Variants in SLC44A5 observed in about 807,000 individuals in gnomAD.
SLC44A5 encodes the protein solute carrier family 44 member 5.
A neutral mutation model predicts 101.8 loss-of-function variants in SLC44A5; 57 were observed. The ratio of observed to expected loss-of-function variants is 0.56; its 90% CI spans 0.45 to 0.70. The LOEUF is 0.70. Ranked by LOEUF, SLC44A5 falls within the 30% of genes least tolerant of loss-of-function variation. The pLI, the probability that SLC44A5 is intolerant of heterozygous loss-of-function variation, is 0.00. For synonymous variants in SLC44A5, 281 were observed against 290.9 expected, an observed-to-expected ratio of 0.97 and a Z score of 0.35; for missense variants, 737 against 853.1, an observed-to-expected ratio of 0.86 and a Z score of 1.70.
the SLC44A5 span, among the ~76,000 whole-genome samples, chr1:75,659,470 A>C: frequency 1.6e-5 from 1 of 61,828 alleles, no homozygotes; most frequent in Admixed American, 1.5e-4. Flanking sequence ...GGAAGGAAGG[A>C]AGGAAGGAAG....
At chr1:75,649,273 GGT>G in the SLC44A5 span, among the ~76,000 whole-genome samples, 1 of 152,070 alleles carries the variant, frequency 6.6e-6, no homozygotes, top group Non-Finnish European at 1.5e-5. Flanking sequence ...AACACAAATA[GGT>G]GTACTGGCTA....
upstream of SLC44A5, chr1:75,615,895 C>A: frequency 1.0e-6 from 1 of 987,562 alleles, no homozygotes; most frequent in Non-Finnish European, 1.2e-6. Flanking sequence ...ATCTTCTGTC[C>A]CCTTCCCTCC....
At chr1:75,527,356 A>C (rs1045427175) in intron 2 of SLC44A5, among the ~76,000 whole-genome samples, 1 of 151,910 alleles carries the variant, frequency 6.6e-6, no homozygotes, top group African/African-American at 2.4e-5. Context: ...ATAGGTTAGG[A>C]AGTTCTTTTG....
At chr1:75,596,895 A>G (rs918323208) in intron 1 of SLC44A5, among the ~76,000 whole-genome samples, 1 of 152,156 alleles carries the variant, frequency 6.6e-6, no homozygotes, top group African/African-American at 2.4e-5. Flanking sequence ...AGCACAGGAC[A>G]AGGATGCCCT....
At chr1:75,479,899 G>T (rs1488799712) in intron 2 of SLC44A5, among the ~76,000 whole-genome samples, 13 of 152,204 alleles carry the variant, frequency 8.5e-5, no homozygotes, top group African/African-American at 1.2e-4. Flanking sequence ...TAACTCATTT[G>T]AGGAGGCCAG....
intron 3 of SLC44A5, among the ~76,000 whole-genome samples, chr1:75,363,150 T>A (rs1164902307): frequency 6.6e-6 from 1 of 152,088 alleles, no homozygotes; most frequent in African/African-American, 2.4e-5. Flanking sequence ...TTTGCATGGA[T>A]ATCTTTTTCT....
chr1:75,447,260 AG>A (rs1025592745), intron 2 of SLC44A5, among the ~76,000 whole-genome samples: 1 of 152,218 alleles, frequency 6.6e-6, no homozygotes, highest in African/African-American at 2.4e-5. Context: ...AGATCATTGC[AG>A]GAATTACTGA....
chr1:75,211,739 T>C (rs1646857510), intron 22 of SLC44A5, among the ~76,000 whole-genome samples, 187 bp from the exon 23 acceptor site: 1 of 152,110 alleles, frequency 6.6e-6, no homozygotes, highest in African/African-American at 2.4e-5. Flanking sequence ...CTTAAACAAG[T>C]TTTATTAAAT....
chr1:75,722,477 G>A, the SLC44A5 span, among the ~76,000 whole-genome samples: 3 of 152,194 alleles, frequency 2.0e-5, no homozygotes, highest in Admixed American at 1.3e-4. Flanking sequence ...GACAAACTGC[G>A]TATGCCACCC....
At chr1:75,641,450 C>T in the SLC44A5 span, 2 of 1,355,258 alleles carry the variant, frequency 1.5e-6, no homozygotes, top group Non-Finnish European at 2.1e-6. Flanking sequence ...GCCAATCTTT[C>T]TAAAGAGTCT....
intron 2 of SLC44A5, among the ~76,000 whole-genome samples, chr1:75,512,927 G>A: frequency 6.6e-6 from 1 of 152,124 alleles, no homozygotes; most frequent in Non-Finnish European, 1.5e-5. Flanking sequence ...AATTTACTTG[G>A]GCTGATCATA....
At chr1:75,330,130 C>G (rs1231178557) in intron 4 of SLC44A5, among the ~76,000 whole-genome samples, 1 of 142,532 alleles carries the variant, frequency 7.0e-6, no homozygotes. Context: ...CACACACACA[C>G]ACACACACAC....
intron 2 of SLC44A5, among the ~76,000 whole-genome samples, chr1:75,515,230 A>T (rs574068790): frequency 3.9e-5 from 6 of 152,200 alleles, no homozygotes; most frequent in Non-Finnish European, 7.4e-5. Context: ...GGAATAACTA[A>T]ATCAAGCTAG....
At chr1:75,393,176 A>C (rs896112187) in intron 3 of SLC44A5, among the ~76,000 whole-genome samples, 2 of 152,212 alleles carry the variant, frequency 1.3e-5, no homozygotes, top group African/African-American at 4.8e-5. Flanking sequence ...TTTGAAATTC[A>C]AAGAATAAGA....
intron 4 of SLC44A5, among the ~76,000 whole-genome samples, chr1:75,316,093 A>C (rs542687273): frequency 1.3e-5 from 2 of 152,204 alleles, no homozygotes; most frequent in Non-Finnish European, 2.9e-5. Flanking sequence ...CCACTAGTCA[A>C]AACATTTTGA....
chr1:75,393,643 C>T (rs1477304205), intron 3 of SLC44A5, among the ~76,000 whole-genome samples: 1 of 152,138 alleles, frequency 6.6e-6, no homozygotes, highest in Non-Finnish European at 1.5e-5. Flanking sequence ...AATATTGACT[C>T]ATTAGAATTG....
At chr1:75,251,331 T>G (rs2100647331) in intron 6 of SLC44A5, 37 bp from the exon 7 acceptor site, 1 of 1,536,940 alleles carries the variant, frequency 6.5e-7, no homozygotes, top group South Asian at 1.1e-5. Flanking sequence ...TTAGTGACCA[T>G]GGAAATGTTC....
At chr1:75,573,663 C>G (rs902983442) in intron 1 of SLC44A5, among the ~76,000 whole-genome samples, 1 of 152,032 alleles carries the variant, frequency 6.6e-6, no homozygotes, top group African/African-American at 2.4e-5. Flanking sequence ...GGAGCGTAAC[C>G]CAACCCCATA....
At chr1:75,669,616 T>C in the SLC44A5 span, among the ~76,000 whole-genome samples, 1 of 152,044 alleles carries the variant, frequency 6.6e-6, no homozygotes, top group Admixed American at 6.6e-5. Context: ...TAACGAACAT[T>C]CCCCTAACTC....
Sources: gnomAD v4.1 joint callset for allele counts (sites outside exome capture counted in the v4.1 genomes callset) on GRCh38, gnomAD v4.1.1 for gene constraint, MANE v1.5 for transcripts, NCBI Gene and HGNC (gene_info 2026-07-23, HGNC 2026-07-21) for gene names.